The following SPTBN5 variants were observed in gnomAD, a reference collection of about 807,000 sequenced individuals.
SPTBN5 encodes spectrin beta chain, non-erythrocytic 5.
A neutral mutation model predicts 477.6 loss-of-function variants in SPTBN5; 513 were observed. The ratio of observed to expected loss-of-function variants is 1.07; its 90% CI spans 1.00 to 1.16. The LOEUF (loss-of-function observed/expected upper bound fraction) is 1.16, where lower values mean the gene tolerates loss of function less well. Ranked by LOEUF, SPTBN5 falls within the 50% of genes most tolerant of loss-of-function variation. SPTBN5 has a pLI of 0.00. For missense variants in SPTBN5, 5,062 were observed against 4,731.8 expected, an observed-to-expected ratio of 1.07 and a Z score of -2.05; for synonymous variants, 2,169 against 2,011.7, an observed-to-expected ratio of 1.08 and a Z score of -2.09.
intron 67 of SPTBN5, 96 bp downstream of exon 67, chr15:41,849,773 G>A (rs2065688772): frequency 2.1e-6 from 2 of 959,652 alleles, no homozygotes; most frequent in South Asian, 2.8e-5. Flanking sequence ...AACAGAGTAA[G>A]TCTGAGGCCC....
intron 11 of SPTBN5, 47 bp from the exon 12 acceptor site, chr15:41,882,192 G>A (rs2066983064): frequency 6.7e-7 from 1 of 1,489,836 alleles, no homozygotes; most frequent in Admixed American, 2.2e-5. Flanking sequence ...GCGCGGCTGA[G>A]CGCGGGCAGG....
chr15:41,866,539 GCCCCAGACGCCACAGGCCTAGC>G (rs755272874), intron 36 of SPTBN5, 46 bp from the exon 37 acceptor site: 4 of 1,476,288 alleles, frequency 2.7e-6, no homozygotes, highest in Non-Finnish European at 3.6e-6. Context: ...GCAGCCTCAG[GCCCCAGACGCCACAGGCCTAGC>G]CCCCAGCCAT....
At chr15:41,856,782 G>A (rs1458826820) in intron 52 of SPTBN5, 71 bp downstream of exon 52, 4 of 1,455,782 alleles carry the variant, frequency 2.7e-6, no homozygotes, top group Non-Finnish European at 3.7e-6. Flanking sequence ...CTGGGCCACA[G>A]AGAGTGCCAT....
At chr15:41,874,648 C>G (rs2066660594) in intron 23 of SPTBN5, among the ~76,000 whole-genome samples, 170 bp from the exon 24 acceptor site, 1 of 152,224 alleles carries the variant, frequency 6.6e-6, no homozygotes, top group Admixed American at 6.5e-5. Context: ...ACCTCATGGC[C>G]TAGATGACTC....
At chr15:41,858,476 G>A (rs369020836) in intron 49 of SPTBN5, 126 bp downstream of exon 49, 4 of 1,210,774 alleles carry the variant, frequency 3.3e-6, no homozygotes, top group African/African-American at 1.5e-5. Context: ...TTAGCCAGGT[G>A]CCTGCATGCA....
chr15:41,851,590 T>A (rs199704198), intron 63 of SPTBN5, among the ~76,000 whole-genome samples, 189 bp downstream of exon 63: 19 of 48,828 alleles, frequency 3.9e-4, no homozygotes, highest in East Asian at 1.0e-3. Flanking sequence ...CTGGTGGGGG[T>A]GGGTAGGTGG....
chr15:41,877,915 C>T (rs375659983), intron 17 of SPTBN5, among the ~76,000 whole-genome samples: 82 of 152,286 alleles, frequency 5.4e-4, no homozygotes, highest in African/African-American at 1.9e-3. Flanking sequence ...GTCATCCCTG[C>T]AGGAGGAGAG....
Position 41,857,690 on chromosome 15 carries a change from C to T in SPTBN5, c.8247G>A (p.Gln2749=). Residue 2749 remains glutamine, a synonymous_variant, in exon 50 of 68, where the codon CAG becomes CAA. Transcript: ENST00000320955. The part of the protein sequence containing the change: ...ELQREGQRLL[Q]GGHPASEAIQ... ...TGGCCTCCGAGGCTGGGTGGCCCCC[C>T]TGCAGCAGCCTCTGTCCCTCCTGCA... The T allele has an allele frequency of 6.3e-7, 1 of 1,578,642 alleles. No individual in the cohort carries two copies. Among genetic ancestry groups the T allele is most frequent in the Non-Finnish European group, 8.6e-7 (1 of 1,163,846 alleles).
intron 4 of SPTBN5, among the ~76,000 whole-genome samples, chr15:41,889,833 C>T (rs1162753469): frequency 6.6e-6 from 1 of 152,250 alleles, no homozygotes; most frequent in African/African-American, 2.4e-5. Context: ...GAACCCCCCA[C>T]TAGTGAATGA....
chr15:41,884,628 G>A (rs981304522), intron 7 of SPTBN5, among the ~76,000 whole-genome samples: 7 of 152,076 alleles, frequency 4.6e-5, no homozygotes, highest in South Asian at 2.1e-4. Context: ...GGTGAGCATC[G>A]CAAAACAAAA....
intron 15 of SPTBN5, 62 bp from the exon 16 acceptor site, chr15:41,879,561 T>G: frequency 2.0e-6 from 3 of 1,517,798 alleles, no homozygotes; most frequent in Non-Finnish European, 1.8e-6. Flanking sequence ...TCCGGGAGCC[T>G]TGGCCAGAGC....
At chr15:41,852,011 G>T in intron 62 of SPTBN5, 161 bp from the exon 63 acceptor site, 2 of 936,550 alleles carry the variant, frequency 2.1e-6, no homozygotes, top group Non-Finnish European at 3.2e-6. Flanking sequence ...GGCATGTTCA[G>T]GGTGGTATGG....
chr15:41,853,430 C>T lies in SPTBN5; in HGVS notation c.9998G>A (p.Arg3333Lys). 1 of 1,586,490 alleles carries T rather than the reference C, an allele frequency of 6.3e-7. No individual in the cohort carries two copies. The change falls in exon 59 of 68, where the codon AGG (arginine) becomes AAG (lysine). Residue 3333 changes from arginine to lysine, a missense_variant. Transcript: ENST00000320955. ...CTCCTCGGAGGACGCCAGCTCCTGC[C>T]TCTCCTGTGCCCATGCTCTGTGGGG... ...CQELLAWAQERQELASSEELA... is the reference protein window; with the variant it reads ...CQELLAWAQEKQELASSEELA...
rs770026207 is a variant in SPTBN5 at position 41,855,289 on chromosome 15, A to G, written c.9358T>C (p.Trp3120Arg). The G allele has an allele frequency of 6.2e-7, 1 of 1,612,100 alleles. No individual in the cohort carries two copies. Among genetic ancestry groups the G allele is most frequent in the South Asian group, 1.1e-5 (1 of 91,032 alleles). The stretch of plus-strand genomic sequence containing the variant: ...GCGGTGGCCGCCTTGGTGGTCAGCC[A>G]GGCGTCGAGGAGCAGGGTCTCTCGC... ...LERETLLLDA[W>R]LTTKAATAES... The change falls in exon 55 of 68, where the codon TGG becomes CGG. Residue 3120 changes from tryptophan (W) to arginine (R), a missense_variant. Trp to Arg is a moderately radical substitution (Grantham distance 101). Coordinates refer to ENST00000320955, the MANE Select transcript of SPTBN5 (RefSeq NM_016642.4).
At chr15:41,887,124 C>T (rs2067178617) in intron 6 of SPTBN5, 89 bp downstream of exon 6, 3 of 1,261,564 alleles carry the variant, frequency 2.4e-6, no homozygotes, top group Non-Finnish European at 3.4e-6. Flanking sequence ...GCCAAGGCCA[C>T]ACAGCTAGTA....
In SPTBN5 at chr15:41,858,758, T is replaced by G; in HGVS notation, c.8080-10A>C. 3 of 1,608,206 alleles carry G rather than the reference T, an allele frequency of 1.9e-6. No individual in the cohort carries two copies. Among genetic ancestry groups the G allele is most frequent in the South Asian group, 1.1e-5 (1 of 89,850 alleles). On this transcript the variant is annotated splice_polypyrimidine_tract_variant and intron_variant, in intron 48 of 67. Transcript: ENST00000320955. ...TCAGCCACGCAGCCACCTGGGCACA[T>G]GGGGAGGACAGGCCTGCTGTCCAGG... is the stretch of plus-strand genomic sequence containing the variant.
intron 4 of SPTBN5, 54 bp from the exon 5 acceptor site, chr15:41,888,139 G>T: frequency 6.6e-7 from 1 of 1,521,690 alleles, no homozygotes. Flanking sequence ...GGGAGGCAGA[G>T]AGCCTGCAGG....
At chr15:41,877,457 A>T in intron 17 of SPTBN5, 101 bp from the exon 18 acceptor site, 1 of 1,458,464 alleles carries the variant, frequency 6.9e-7, no homozygotes, top group Non-Finnish European at 9.2e-7. Flanking sequence ...ATCATGAATG[A>T]GACACTGAAT....
At position 41,885,845 on chromosome 15, in the gene SPTBN5, G is replaced by A; in HGVS notation, c.1410C>T (p.Gly470=). Residue 470 remains glycine (G), a synonymous_variant, in exon 7 of 68, where the codon GGC becomes GGT. Coordinates refer to ENST00000320955, the MANE Select transcript of SPTBN5 (RefSeq NM_016642.4). ...GGGGCAGGATGCCAGCCTCCAGCAT[G>A]CCCAGCCTCTGGACGGCTGCCTCCA... ...ATVEAAVQRL[G]MLEAGILPQE... The A allele has an allele frequency of 6.4e-7, 1 of 1,563,874 alleles. No individual in the cohort carries two copies. The highest frequency in any genetic ancestry group is 1.2e-5 in the South Asian group (1 of 85,024).
Sources: gnomAD v4.1 joint callset for allele counts (sites outside exome capture counted in the v4.1 genomes callset) on GRCh38, gnomAD v4.1.1 for gene constraint, MANE v1.5 for transcripts, NCBI Gene and HGNC (gene_info 2026-07-23, HGNC 2026-07-21) for gene names.